CCSER1: variants seen among roughly 807,000 people sequenced by gnomAD.
CCSER1 encodes coiled-coil serine rich protein 1.
Under a neutral mutation model 82.0 loss-of-function variants are expected in CCSER1, and 41 were observed. The observed-to-expected ratio is 0.50, with a 90% CI of 0.39 to 0.65. The LOEUF (loss-of-function observed/expected upper bound fraction) is 0.65. Ranked by LOEUF, CCSER1 falls within the 30% of genes least tolerant of loss-of-function variation. The probability of loss-of-function intolerance (pLI) is 0.00; values close to 1 mark genes in which losing one functional copy is unlikely to be tolerated. For synonymous variants in CCSER1, 414 were observed against 383.9 expected (o/e 1.08, Z -0.92); for missense variants, 1,119 against 1,064.2 (o/e 1.05, Z -0.72).
chr4:90,212,403 C>A (rs1740195930), intron 1 of CCSER1, among the ~76,000 whole-genome samples: 1 of 152,090 alleles, frequency 6.6e-6, no homozygotes, highest in African/African-American at 2.4e-5. Flanking sequence ...AAAATTCCAT[C>A]TTAAGGGACT....
intron 5 of CCSER1, among the ~76,000 whole-genome samples, chr4:90,493,813 GC>G (rs202039118): frequency 0.027 from 4,055 of 152,252 alleles, 86 homozygotes; most frequent in Non-Finnish European, 0.043. Context: ...GCAAAAACAT[GC>G]TAAATTGTAA....
intron 7 of CCSER1, among the ~76,000 whole-genome samples, chr4:90,746,106 GC>G (rs1195555243): frequency 1.3e-5 from 2 of 152,012 alleles, no homozygotes; most frequent in Non-Finnish European, 2.9e-5. Context: ...CCTCCCTGAA[GC>G]CTCAAAGTAG....
chr4:90,716,760 C>T (rs1258800169), intron 6 of CCSER1, among the ~76,000 whole-genome samples: 5 of 146,948 alleles, frequency 3.4e-5, no homozygotes, highest in African/African-American at 9.7e-5. Flanking sequence ...TGTATACGTA[C>T]ACTCTGTAAT....
At chr4:90,648,163 G>GT (rs1464004333) in intron 6 of CCSER1, among the ~76,000 whole-genome samples, 1 of 151,230 alleles carries the variant, frequency 6.6e-6, no homozygotes, top group Non-Finnish European at 1.5e-5. Flanking sequence ...TAGACTCACA[G>GT]TTTTTTGTTC....
At chr4:90,222,084 G>A (rs1388740882) in intron 1 of CCSER1, among the ~76,000 whole-genome samples, 1 of 152,062 alleles carries the variant, frequency 6.6e-6, no homozygotes, top group Non-Finnish European at 1.5e-5. Context: ...AAGCAAGCTG[G>A]TGCATGGAAA....
chr4:90,406,484 CT>C (rs368229994), intron 4 of CCSER1, among the ~76,000 whole-genome samples: 8 of 152,264 alleles, frequency 5.3e-5, no homozygotes, highest in African/African-American at 1.7e-4. Context: ...AAACAATGGA[CT>C]TAACTATACC....
intron 8 of CCSER1, among the ~76,000 whole-genome samples, chr4:90,884,303 A>G (rs1375547831): frequency 6.6e-6 from 1 of 152,198 alleles, no homozygotes; most frequent in Non-Finnish European, 1.5e-5. Context: ...GCAAGTTGTA[A>G]TGAATTAAGA....
intron 1 of CCSER1, among the ~76,000 whole-genome samples, chr4:90,256,218 A>G (rs1381255530): frequency 6.6e-6 from 1 of 152,202 alleles, no homozygotes; most frequent in Non-Finnish European, 1.5e-5. Flanking sequence ...TTCATGCTCA[A>G]AATCTTCCTG....
At chr4:91,167,278 G>A (rs577654770) in intron 10 of CCSER1, among the ~76,000 whole-genome samples, 8 of 144,008 alleles carry the variant, frequency 5.6e-5, no homozygotes, top group South Asian at 4.3e-4. Context: ...CCTTTGCCTC[G>A]TGGGTTCAAG....
At chr4:91,426,808 T>TA (rs528787775) in intron 10 of CCSER1, among the ~76,000 whole-genome samples, 1 of 152,130 alleles carries the variant, frequency 6.6e-6, no homozygotes, top group African/African-American at 2.4e-5. Flanking sequence ...TAAATTTATA[T>TA]AAAAAAATGA....
intron 8 of CCSER1, among the ~76,000 whole-genome samples, chr4:90,823,783 C>T (rs1449531370): frequency 6.6e-6 from 1 of 151,674 alleles, no homozygotes; most frequent in Non-Finnish European, 1.5e-5. Flanking sequence ...AATTAAAGCA[C>T]AATTAAAAAA....
intron 10 of CCSER1, among the ~76,000 whole-genome samples, chr4:91,476,127 C>T (rs2110029078): frequency 6.6e-6 from 1 of 151,852 alleles, no homozygotes; most frequent in South Asian, 2.1e-4. Flanking sequence ...CTTCAATATA[C>T]TGATTTCCTT....
chr4:90,790,961 C>T (rs1037101716), intron 7 of CCSER1, among the ~76,000 whole-genome samples: 17 of 152,148 alleles, frequency 1.1e-4, no homozygotes, highest in African/African-American at 4.1e-4. Context: ...TTAGTCTGCT[C>T]TCATGCTGCT....
chr4:90,562,240 A>C (rs1231359664), intron 5 of CCSER1, among the ~76,000 whole-genome samples: 1 of 151,740 alleles, frequency 6.6e-6, no homozygotes, highest in African/African-American at 2.4e-5. Flanking sequence ...TGTGTTTCAC[A>C]TGTAGCATAC....
intron 10 of CCSER1, among the ~76,000 whole-genome samples, chr4:91,282,038 T>TA (rs925029397): frequency 2.0e-5 from 3 of 152,186 alleles, no homozygotes; most frequent in Non-Finnish European, 4.4e-5. Flanking sequence ...CTTACAAAGT[T>TA]AAAAAAAACT....
chr4:90,485,454 A>C (rs146011054), intron 5 of CCSER1, among the ~76,000 whole-genome samples: 2,411 of 149,218 alleles, frequency 0.016, 40 homozygotes, highest in African/African-American at 0.048. Flanking sequence ...AATCAACTGT[A>C]TTCTGTGTCA....
At chr4:91,550,068 G>T (rs2110220729) in intron 10 of CCSER1, among the ~76,000 whole-genome samples, 1 of 152,194 alleles carries the variant, frequency 6.6e-6, no homozygotes, top group Non-Finnish European at 1.5e-5. Flanking sequence ...GCTACAGTTG[G>T]GTATTTTCCT....
At chr4:91,099,853 G>A (rs1244263020) in intron 10 of CCSER1, among the ~76,000 whole-genome samples, 1 of 152,052 alleles carries the variant, frequency 6.6e-6, no homozygotes, top group East Asian at 1.9e-4. Flanking sequence ...GATGACAAGG[G>A]TTTCCTATTC....
intron 10 of CCSER1, among the ~76,000 whole-genome samples, chr4:91,090,089 C>T (rs1367852787): frequency 6.6e-6 from 1 of 152,194 alleles, no homozygotes; most frequent in Non-Finnish European, 1.5e-5. Flanking sequence ...TCCCCATGAG[C>T]CATCTTGTGC....
Sources: allele counts gnomAD v4.1 joint callset (sites outside exome capture counted in the v4.1 genomes callset), GRCh38; gene constraint gnomAD v4.1.1; transcripts MANE v1.5; gene names NCBI Gene and HGNC (gene_info 2026-07-23, HGNC 2026-07-21).